DNAH12: variants seen among roughly 807,000 people sequenced by gnomAD.
DNAH12 encodes the protein axonemal beta dynein heavy chain 12.
In DNAH12, 285 loss-of-function variants were observed where a neutral mutation model predicts 371.5. The observed-to-expected ratio is 0.77, with a 90% CI of 0.70 to 0.85. DNAH12 has a LOEUF of 0.85. DNAH12 is among the 40% of genes least tolerant of loss of function. The probability of loss-of-function intolerance (pLI) is 0.00; values close to 1 mark genes in which losing one functional copy is unlikely to be tolerated. For missense variants in DNAH12, 3,611 were observed against 3,689.4 expected (o/e 0.98, Z 0.55); for synonymous variants, 1,200 against 1,213.0 (o/e 0.99, Z 0.22).
chr3:57,380,728 G>A (rs995296008), intron 50 of DNAH12, among the ~76,000 whole-genome samples: 9 of 152,196 alleles, frequency 5.9e-5, no homozygotes, highest in Non-Finnish European at 1.0e-4. Flanking sequence ...GCCTCCCAAA[G>A]TGCTGGGATT....
intron 4 of DNAH12, among the ~76,000 whole-genome samples, chr3:57,521,539 T>C (rs184771786): frequency 9.1e-4 from 139 of 152,254 alleles, no homozygotes; most frequent in African/African-American, 3.2e-3. Flanking sequence ...GCTATACTTG[T>C]GTGCGTCTAT....
At chr3:57,491,573 T>G (rs1371343042) in intron 11 of DNAH12, among the ~76,000 whole-genome samples, 2 of 152,166 alleles carry the variant, frequency 1.3e-5, no homozygotes, top group Non-Finnish European at 2.9e-5. Flanking sequence ...CAATCTTTTT[T>G]TAACTATACT....
At chr3:57,325,455 G>C (rs1392778093) in intron 62 of DNAH12, among the ~76,000 whole-genome samples, 2 of 152,202 alleles carry the variant, frequency 1.3e-5, no homozygotes, top group African/African-American at 4.8e-5. Context: ...TGATACCCAG[G>C]CAAACAGGGT....
intron 60 of DNAH12, among the ~76,000 whole-genome samples, chr3:57,349,824 A>G (rs782708281): frequency 1.3e-5 from 2 of 152,112 alleles, no homozygotes; most frequent in Non-Finnish European, 2.9e-5. Context: ...AGTAGCTGGG[A>G]CTACAGGCAT....
intron 42 of DNAH12, among the ~76,000 whole-genome samples, chr3:57,403,852 A>G (rs2063944885): frequency 6.6e-6 from 1 of 152,200 alleles, no homozygotes; most frequent in African/African-American, 2.4e-5. Flanking sequence ...ATCATTACCT[A>G]TAAAATAACA....
chr3:57,499,332 G>A (rs2067430934), intron 11 of DNAH12, among the ~76,000 whole-genome samples: 1 of 151,788 alleles, frequency 6.6e-6, no homozygotes, highest in South Asian at 2.1e-4. Context: ...TCATATAACT[G>A]TACAATTAAA....
intron 5 of DNAH12, among the ~76,000 whole-genome samples, chr3:57,510,384 AT>A (rs2067943418): frequency 6.6e-6 from 1 of 152,186 alleles, no homozygotes; most frequent in Non-Finnish European, 1.5e-5. Context: ...TCAGCGTGTA[AT>A]CCCAGCACTT....
chr3:57,367,625 A>G (rs1415461726), intron 56 of DNAH12, among the ~76,000 whole-genome samples: 2 of 152,312 alleles, frequency 1.3e-5, no homozygotes, highest in African/African-American at 2.4e-5. Flanking sequence ...ACTCAGGCCC[A>G]CATTCACCAT....
At chr3:57,404,426 A>G (rs1553680277) in intron 42 of DNAH12, among the ~76,000 whole-genome samples, 1 of 152,208 alleles carries the variant, frequency 6.6e-6, no homozygotes, top group Admixed American at 6.5e-5. Context: ...CTAAGAAACA[A>G]AAGTTTCGGC....
intron 38 of DNAH12, 40 bp downstream of exon 38, chr3:57,415,386 A>G: frequency 6.5e-7 from 1 of 1,537,244 alleles, no homozygotes; most frequent in Non-Finnish European, 8.7e-7. Context: ...ATAAGACAAA[A>G]AAATTAACGA....
At chr3:57,434,831 G>C (rs1014044138) in intron 30 of DNAH12, among the ~76,000 whole-genome samples, 2 of 147,920 alleles carry the variant, frequency 1.4e-5, no homozygotes, top group Non-Finnish European at 3.0e-5. Context: ...ACAGGTACTG[G>C]TTTCACTTAA....
chr3:57,502,250 A>G, intron 10 of DNAH12, 73 bp downstream of exon 10: 2 of 1,578,200 alleles, frequency 1.3e-6, no homozygotes, highest in Non-Finnish European at 1.7e-6. Flanking sequence ...CCCCAGACAA[A>G]CAAACATCTG....
chr3:57,469,779 C>T (rs952761538), intron 16 of DNAH12, among the ~76,000 whole-genome samples: 1 of 152,042 alleles, frequency 6.6e-6, no homozygotes, highest in South Asian at 2.1e-4. Context: ...GAGCTAAGCC[C>T]TGGGTATACA....
chr3:57,493,452 C>T (rs2067201727), intron 11 of DNAH12, among the ~76,000 whole-genome samples: 1 of 152,150 alleles, frequency 6.6e-6, no homozygotes, highest in Admixed American at 6.5e-5. Flanking sequence ...ACTTGAGCAT[C>T]TGCAGATTTT....
rs57415103 is a variant in DNAH12, at chr3:57,316,653, T to C, written c.10525-2022A>G. Among the ~76,000 whole-genome samples, 376 of 152,274 alleles carry C rather than the reference T, an allele frequency of 2.5e-3. 1 individual carries two copies. Among genetic ancestry groups the C allele is most frequent in the African/African-American group, 8.8e-3 (367 of 41,564 alleles). On this transcript the variant is annotated intron_variant, in intron 65 of 73. Transcript: ENST00000495027. ...TTTCAAGGGAGGGACCTATAATCCCTGCGTGTTGAGGGAGGGAGGTGACTC... is the reference window on the plus strand; with the variant it reads ...TTTCAAGGGAGGGACCTATAATCCCCGCGTGTTGAGGGAGGGAGGTGACTC...
intron 4 of DNAH12, among the ~76,000 whole-genome samples, chr3:57,519,330 G>C (rs992017832): frequency 6.6e-6 from 1 of 152,134 alleles, no homozygotes; most frequent in Non-Finnish European, 1.5e-5. Context: ...GAATGAAACT[G>C]ATTCCACAGC....
chr3:57,322,712 C>T (rs1284741491), intron 64 of DNAH12, among the ~76,000 whole-genome samples: 3 of 152,036 alleles, frequency 2.0e-5, no homozygotes, highest in African/African-American at 7.2e-5. Context: ...GGTGGATCAC[C>T]TGAGGTCAGG....
chr3:57,351,620 TC>T, intron 60 of DNAH12, among the ~76,000 whole-genome samples: 1 of 152,226 alleles, frequency 6.6e-6, no homozygotes, highest in Admixed American at 6.5e-5. Flanking sequence ...TGGATGAATC[TC>T]AAAAGTAATG....
intron 9 of DNAH12, 124 bp from the exon 10 acceptor site, chr3:57,502,603 G>T (rs1049547307): frequency 1.0e-6 from 1 of 1,002,040 alleles, no homozygotes. Flanking sequence ...AGGTTGGAGC[G>T]CATTGGTGCG....
Sources: allele counts gnomAD v4.1 joint callset (sites outside exome capture counted in the v4.1 genomes callset), GRCh38; gene constraint gnomAD v4.1.1; transcripts MANE v1.5; gene names NCBI Gene and HGNC (gene_info 2026-07-23, HGNC 2026-07-21).